The following ZBTB39 variants were observed in gnomAD, a reference collection of about 807,000 sequenced individuals.
ZBTB39 encodes the protein zinc finger and BTB domain-containing protein 39.
In ZBTB39, 25 loss-of-function variants were observed where a neutral mutation model predicts 39.4. The observed-to-expected ratio is 0.63, with a 90% CI of 0.46 to 0.89. ZBTB39 has a LOEUF of 0.89. Among genes scored for constraint, ZBTB39 ranks in the 40% least tolerant of loss-of-function variants. The pLI is 0.00. For missense variants in ZBTB39, 891 were observed against 909.7 expected (o/e 0.98, Z 0.26); for synonymous variants, 373 against 359.6 (o/e 1.04, Z -0.42).
rs781064783 is a variant in ZBTB39, at chr12:57,004,178, T to C, written c.740A>G (p.Tyr247Cys). ...GAAGTCTCCATTGCTTTGAACTTTGTATGGCTGGCAGGAGCTCGTGCTGGT... is the reference window on the plus strand; with the variant it reads ...GAAGTCTCCATTGCTTTGAACTTTGCATGGCTGGCAGGAGCTCGTGCTGGT... ...IQTSTSSCQP[Y>C]KVQSNGDFSK... The change falls in exon 2 of 2, where the codon TAC becomes TGC. Residue 247 changes from tyrosine to cysteine, a missense_variant. Transcript: ENST00000300101. 6 of 1,614,166 alleles carry C rather than the reference T, an allele frequency of 3.7e-6. No individual in the cohort carries two copies. Among genetic ancestry groups the C allele is most frequent in the Non-Finnish European group, 5.1e-6 (6 of 1,180,034 alleles).
chr12:57,004,307 G>A lies in ZBTB39; in HGVS notation c.611C>T (p.Pro204Leu). Reference sequence around the variant, plus strand: ...ATGGTCTTCTGTCTTTGGCGGTGGTGGGGGCGGTTGCGGCAGATGCAGGCT... The same window carrying A: ...ATGGTCTTCTGTCTTTGGCGGTGGTAGGGGCGGTTGCGGCAGATGCAGGCT... ...NHSLHLPQPP[P>L]PPPKTEDHDT... The change falls in exon 2 of 2, where the codon CCA (proline) becomes CTA (leucine). Residue 204 changes from proline to leucine, a missense_variant. Transcript: ENST00000300101. The A allele has an allele frequency of 1.2e-6, 2 of 1,614,166 alleles. No individual in the cohort carries two copies. The highest frequency in any genetic ancestry group is 1.1e-5 in the South Asian group (1 of 91,082).
Position 57,002,646 on chromosome 12 carries a change from C to G in ZBTB39, c.*133G>C. The G allele has an allele frequency of 2.4e-6, 2 of 845,236 alleles. No individual in the cohort carries two copies. The highest frequency in any genetic ancestry group is 3.7e-6 in the Non-Finnish European group (2 of 547,034). The allele number at this position is 845,236 out of a possible 1,614,324, so 52.4% of individuals were successfully genotyped here. ...ATGTGCTATTTCTTCTTCTTTTCTT[C>G]TTTAAACACAACACAGAACAGAATT... On this transcript the variant is annotated 3_prime_UTR_variant, in exon 2 of 2. Coordinates refer to ENST00000300101, the MANE Select transcript of ZBTB39 (RefSeq NM_014830.3).
Position 57,004,856 on chromosome 12 carries a change from T to G in ZBTB39, c.62A>C (p.Asn21Thr). ...CATGGTCTCTGAGAGCCGGCACTTG[T>G]TGAGTTCCTTCAGCAGGTTGTTGGG... Reference protein sequence around the residue: ...NHPNNLLKELNKCRLSETMCD... With the variant: ...NHPNNLLKELTKCRLSETMCD... Residue 21 changes from asparagine (N) to threonine (T), a missense_variant, in exon 2 of 2, where the codon AAC (asparagine) becomes ACC (threonine). By Grantham distance (65) the Asn-to-Thr change is moderately conservative. Transcript: ENST00000300101. 6.2e-7 allele frequency: 1 copy of G among 1,613,584 alleles called. No individual in the cohort carries two copies. The highest frequency in any genetic ancestry group is 8.5e-7 in the Non-Finnish European group (1 of 1,179,676).
rs756551365 is a variant in ZBTB39, at chr12:57,004,351, A to G, written c.567T>C (p.Val189=). The G allele has an allele frequency of 1.2e-5, 19 of 1,614,142 alleles. No individual in the cohort carries two copies. Among genetic ancestry groups the G allele is most frequent in the Non-Finnish European group, 1.5e-5 (18 of 1,180,020 alleles). ...GGSYKEEEKN[V]ASDANHSLHL... ...GCAGGCTATGGTTAGCGTCACTGGC[A>G]ACATTCTTCTCTTCCTCTTTATAGC... is the stretch of plus-strand genomic sequence containing the variant. Residue 189 remains valine, a synonymous_variant, in exon 2 of 2, where the codon GTT becomes GTC. Coordinates refer to ENST00000300101, the MANE Select transcript of ZBTB39 (RefSeq NM_014830.3).
At position 56,998,878 on chromosome 12, in the gene ZBTB39, T is replaced by G. The variant is rs1956193555; in HGVS notation, c.*3901A>C. On this transcript the variant is annotated 3_prime_UTR_variant, in exon 2 of 2. Transcript: ENST00000300101. ...TATTCTAAATAAAAACCACACTTTG[T>G]GCTGAACAATGGAATATAAAAGAAT... 6 of 152,666 alleles carry G rather than the reference T, an allele frequency of 3.9e-5. No individual in the cohort carries two copies. 9.5% of individuals were successfully genotyped at this position (152,666 alleles called of 1,614,324 possible).
rs1956224601 is a variant in ZBTB39, at chr12:57,003,588, A to G, written c.1330T>C (p.Ser444Pro). 2.5e-6 allele frequency: 4 copies of G among 1,614,118 alleles called. No individual in the cohort carries two copies. The highest frequency in any genetic ancestry group is 3.4e-6 in the Non-Finnish European group (4 of 1,179,942). Residue 444 changes from serine to proline, a missense_variant, in exon 2 of 2, where the codon TCA (serine) becomes CCA (proline). Ser to Pro is a moderately conservative substitution (Grantham distance 74). Coordinates refer to ENST00000300101, the MANE Select transcript of ZBTB39 (RefSeq NM_014830.3). The surrounding 1 kb of genome is among the most constrained non-coding windows in gnomAD (Gnocchi z 4.8). Reference sequence around the variant, plus strand: ...TTCAGCTCTGGGGAGGCTGCCCCTGAAAAGAGACCCAGCTTCCCTGGCAGG... The same window carrying G: ...TTCAGCTCTGGGGAGGCTGCCCCTGGAAAGAGACCCAGCTTCCCTGGCAGG... ...DPLPGKLGLF[S>P]GAASPELKCA...
In ZBTB39 at chr12:57,003,618, C is replaced by T. The variant is rs370004970; in HGVS notation, c.1300G>A (p.Asp434Asn). ...AGACCCAGCTTCCCTGGCAGGGGATCGTTGGGGTGGACAATGATGTTGTTC... is the reference window on the plus strand; with the variant it reads ...AGACCCAGCTTCCCTGGCAGGGGATTGTTGGGGTGGACAATGATGTTGTTC... ...FENNIIVHPN[D>N]PLPGKLGLFS... is the part of the protein sequence containing the mutation. The change falls in exon 2 of 2, where the codon GAT becomes AAT. Residue 434 changes from aspartate to asparagine, a missense_variant. Physicochemically the swap from Asp to Asn is conservative, Grantham distance 23. Coordinates refer to ENST00000300101, the MANE Select transcript of ZBTB39 (RefSeq NM_014830.3). This position sits in a 1 kb window ranked among gnomAD's most constrained non-coding sequence, Gnocchi z 4.8. The T allele has an allele frequency of 2.4e-5, 39 of 1,613,934 alleles. No individual in the cohort carries two copies. The highest frequency in any genetic ancestry group is 2.9e-5 in the Non-Finnish European group (34 of 1,179,938).
chr12:57,002,833 C>G lies in ZBTB39; in HGVS notation c.2085G>C (p.Gln695His). 6.2e-7 allele frequency: 1 copy of G among 1,614,226 alleles called. No individual in the cohort carries two copies. Among genetic ancestry groups the G allele is most frequent in the Non-Finnish European group, 8.5e-7 (1 of 1,180,050 alleles). ...GSLPPDFTIE[Q>H]TFMYIIHSKE... ...TGGAATGGATGATGTACATGAAGGTCTGCTCGATGGTGAAGTCAGGGGGGA... is the reference window on the plus strand; with the variant it reads ...TGGAATGGATGATGTACATGAAGGTGTGCTCGATGGTGAAGTCAGGGGGGA... The change falls in exon 2 of 2, where the codon CAG becomes CAC. Residue 695 changes from glutamine to histidine, a missense_variant. Gln to His is a conservative substitution (Grantham distance 24). Transcript: ENST00000300101.
In ZBTB39 at chr12:57,003,269, T is replaced by C. The variant is rs1339407678; in HGVS notation, c.1649A>G (p.Glu550Gly). The change falls in exon 2 of 2, where the codon GAG becomes GGG. Residue 550 changes from glutamate (E) to glycine (G), a missense_variant. Glu to Gly is a moderately conservative substitution (Grantham distance 98). Coordinates refer to ENST00000300101, the MANE Select transcript of ZBTB39 (RefSeq NM_014830.3). This position sits in a 1 kb window ranked among gnomAD's most constrained non-coding sequence, Gnocchi z 4.8. ...CRLCSQSFKS[E>G]AAYRYHVSQH... Reference sequence around the variant, plus strand: ...GCTGACGTGGTAGCGATAGGCAGCCTCTGACTTGAAGCTCTGGCTGCACAA... The same window carrying C: ...GCTGACGTGGTAGCGATAGGCAGCCCCTGACTTGAAGCTCTGGCTGCACAA... 1.9e-6 allele frequency: 3 copies of C among 1,614,070 alleles called. No homozygotes were observed. Among genetic ancestry groups the C allele is most frequent in the Admixed American group, 3.3e-5 (2 of 60,002 alleles).
chr12:57,003,009 C>T lies in ZBTB39; in HGVS notation c.1909G>A (p.Val637Met), dbSNP rs762050399. The change falls in exon 2 of 2, where the codon GTG becomes ATG. Residue 637 changes from valine (V) to methionine (M), a missense_variant. Transcript: ENST00000300101. The surrounding 1 kb of genome is among the most constrained non-coding windows in gnomAD (Gnocchi z 4.8). ...HTGEKPYQCK[V>M]CHKFFRGRST... ...CGGCCTCGAAAGAACTTGTGGCACA[C>T]CTTACATTGGTATGGCTTCTCCCCC... The T allele has an allele frequency of 1.9e-6, 3 of 1,614,098 alleles. No individual in the cohort carries two copies. The highest frequency in any genetic ancestry group is 2.5e-6 in the Non-Finnish European group (3 of 1,180,042).
At position 57,003,821 on chromosome 12, in the gene ZBTB39, T is replaced by C; in HGVS notation, c.1097A>G (p.His366Arg). 6.2e-7 allele frequency: 1 copy of C among 1,614,198 alleles called. No homozygotes were observed. The highest frequency in any genetic ancestry group is 8.5e-7 in the Non-Finnish European group (1 of 1,180,034). Residue 366 changes from histidine to arginine, a missense_variant, in exon 2 of 2, where the codon CAT (histidine) becomes CGT (arginine). Transcript: ENST00000300101. The surrounding 1 kb of genome is among the most constrained non-coding windows in gnomAD (Gnocchi z 4.8). ...IQLIRQHARD[H>R]VDLLTGNCKV... is the part of the protein sequence containing the mutation. ...GCAGTTGCCCGTCAGCAGGTCCACA[T>C]GGTCCCGAGCATGCTGCCGGATCAG...
rs1457234564 is a variant in ZBTB39, at chr12:57,003,874, G to A, written c.1044C>T (p.Cys348=). The change falls in exon 2 of 2, where the codon TGC becomes TGT. Residue 348 remains cysteine, a synonymous_variant. Coordinates refer to ENST00000300101, the MANE Select transcript of ZBTB39 (RefSeq NM_014830.3). This position sits in a 1 kb window ranked among gnomAD's most constrained non-coding sequence, Gnocchi z 4.8. ...GAATGTTGGGCTCTAGAACTTTCTT[G>A]CACACCTGGCAGGGCATGGCCTTAT... ...RENKAMPCQV[C]KKVLEPNIQL... is the part of the protein sequence containing the mutation. 2 of 1,614,160 alleles carry A rather than the reference G, an allele frequency of 1.2e-6. No homozygotes were observed. Among genetic ancestry groups the A allele is most frequent in the Non-Finnish European group, 1.7e-6 (2 of 1,180,028 alleles).
rs1298221140 is a variant in ZBTB39, at chr12:57,003,627, G to A, written c.1291C>T (p.His431Tyr). 3.7e-6 allele frequency: 6 copies of A among 1,614,142 alleles called. No individual in the cohort carries two copies. The highest frequency in any genetic ancestry group is 1.7e-5 in the Admixed American group (1 of 60,026). The change falls in exon 2 of 2, where the codon CAC becomes TAC. Residue 431 changes from histidine to tyrosine, a missense_variant. Transcript: ENST00000300101. This position sits in a 1 kb window ranked among gnomAD's most constrained non-coding sequence, Gnocchi z 4.8. ...DGIFENNIIV[H>Y]PNDPLPGKLG... is the part of the protein sequence containing the mutation. ...TTCCCTGGCAGGGGATCGTTGGGGT[G>A]GACAATGATGTTGTTCTCAAATATT... is the stretch of plus-strand genomic sequence containing the variant.
intron 1 of ZBTB39, among the ~76,000 whole-genome samples, chr12:57,006,010 C>A (rs930843431): frequency 6.6e-6 from 1 of 152,160 alleles, no homozygotes; most frequent in East Asian, 1.9e-4. Context: ...ATGGGCGGGT[C>A]GGAGCACTGG....
Position 57,004,751 on chromosome 12 carries a change from T to C in ZBTB39, c.167A>G (p.Gln56Arg), listed in dbSNP as rs1956235296. The change falls in exon 2 of 2, where the codon CAG becomes CGG. Residue 56 changes from glutamine to arginine, a missense_variant. Physicochemically the swap from Gln to Arg is conservative, Grantham distance 43. Coordinates refer to ENST00000300101, the MANE Select transcript of ZBTB39 (RefSeq NM_014830.3). Reference protein sequence around the residue: ...AVLACAAGYFQNLFLNTGLDA... With the variant: ...AVLACAAGYFRNLFLNTGLDA... ...AAGCCCAGTATTCAGGAAGAGGTTC[T>C]GGAAGTAGCCAGCTGCACAGGCCAG... 2 of 1,614,046 alleles carry C rather than the reference T, an allele frequency of 1.2e-6. No individual in the cohort carries two copies.
rs1397455401 is a variant in ZBTB39, at chr12:56,999,995, A to G, written c.*2784T>C. The G allele has an allele frequency of 2.0e-5, 3 of 152,242 alleles. No individual in the cohort carries two copies. The highest frequency in any genetic ancestry group is 1.9e-4 in the East Asian group (1 of 5,202). The allele number at this position is 152,242 out of a possible 1,614,324, so 9.4% of individuals were successfully genotyped here. A position where few individuals can be genotyped will look rare whatever the true frequency, so the allele number is the denominator to read the frequency against. On this transcript the variant is annotated 3_prime_UTR_variant, in exon 2 of 2. Coordinates refer to ENST00000300101, the MANE Select transcript of ZBTB39 (RefSeq NM_014830.3). ...CAGGAGAGAGGGAGCAACAAAATCA[A>G]ATGAACAGAAAGTCAAAACAATTAA...
In ZBTB39 at chr12:57,001,977, T is replaced by A. The variant is rs56305333; in HGVS notation, c.*802A>T. ...ACTATATCAAAGTGGTTCCCTATCC[T>A]CTCTGCCCCACAGAAGGCCGGACGT... On this transcript the variant is annotated 3_prime_UTR_variant, in exon 2 of 2. Transcript: ENST00000300101. 0.085 allele frequency: 13,027 copies of A among 152,408 alleles called. 767 individuals carry two copies. Among genetic ancestry groups the A allele is most frequent in the Non-Finnish European group, 0.13 (9,135 of 67,922 alleles). The allele number at this position is 152,408 out of a possible 1,614,324, so 9.4% of individuals were successfully genotyped here.
rs1187937960 is a variant in ZBTB39, at chr12:57,003,376, C to T, written c.1542G>A (p.Ala514=). Residue 514 remains alanine (A), a synonymous_variant, in exon 2 of 2, where the codon GCG becomes GCA. Coordinates refer to ENST00000300101, the MANE Select transcript of ZBTB39 (RefSeq NM_014830.3). The surrounding 1 kb of genome is among the most constrained non-coding windows in gnomAD (Gnocchi z 4.8). ...GAAGATGCCAGTCCACAAAGCTGTT[C>T]GCACAGACAGAACAGGAGAAGACTG... ...GISVFSCSVC[A]NSFVDWHLLE... is the part of the protein sequence containing the mutation. The T allele has an allele frequency of 4.3e-6, 7 of 1,613,960 alleles. No individual in the cohort carries two copies. The highest frequency in any genetic ancestry group is 3.3e-5 in the Admixed American group (2 of 59,998).
chr12:57,002,966 T>C lies in ZBTB39; in HGVS notation c.1952A>G (p.His651Arg), dbSNP rs1442011311. ...GAGGGCCCCCGAGTGTGTCTTTAGG[T>C]GGCACTTGATGGTCGAGCGGCCTCG... ...FFRGRSTIKC[H>R]LKTHSGALMY... Residue 651 changes from histidine to arginine, a missense_variant, in exon 2 of 2, where the codon CAC (histidine) becomes CGC (arginine). Physicochemically the swap from His to Arg is conservative, Grantham distance 29. Transcript: ENST00000300101. 1.2e-6 allele frequency: 2 copies of C among 1,614,174 alleles called. No individual in the cohort carries two copies. Among genetic ancestry groups the C allele is most frequent in the Non-Finnish European group, 1.7e-6 (2 of 1,180,026 alleles).
Sources: gnomAD v4.1 joint callset for allele counts (sites outside exome capture counted in the v4.1 genomes callset) on GRCh38, gnomAD v4.1.1 for gene constraint, Gnocchi (gnomAD v3.1) non-coding constraint, MANE v1.5 for transcripts, NCBI Gene and HGNC (gene_info 2026-07-23, HGNC 2026-07-21) for gene names.